The following INSR variants were observed in gnomAD, a reference collection of about 807,000 sequenced individuals.
INSR encodes insulin receptor.
A neutral mutation model predicts 142.6 loss-of-function variants in INSR; 67 were observed. The ratio of observed to expected loss-of-function variants is 0.47; its 90% confidence interval spans 0.39 to 0.58. The LOEUF is 0.58. Among genes scored for constraint, INSR ranks in the 20% least tolerant of loss-of-function variants. The probability of loss-of-function intolerance (pLI) is 0.00; values close to 1 mark genes in which losing one functional copy is unlikely to be tolerated. For missense variants in INSR, 1,248 were observed against 1,833.2 expected, an observed-to-expected ratio of 0.68 and a Z score of 5.83; for synonymous variants, 756 against 743.1, an observed-to-expected ratio of 1.02 and a Z score of -0.28.
chr19:7,174,765 AGGGGAGG>A (rs1333828328), intron 3 of INSR, 34 bp from the exon 4 acceptor site: 1 of 1,582,190 alleles, frequency 6.3e-7, no homozygotes, highest in Non-Finnish European at 8.6e-7. Flanking sequence ...AGAAAGAGAA[AGGGGAGG>A]GGGGTGTCAC....
At chr19:7,145,739 C>T (rs1003944081) in intron 11 of INSR, among the ~76,000 whole-genome samples, 8 of 152,352 alleles carry the variant, frequency 5.3e-5, no homozygotes, top group African/African-American at 1.4e-4. Context: ...TTGAGCTAGA[C>T]GCTCTGCAAA....
chr19:7,180,879 C>T (rs1369940929), intron 3 of INSR, among the ~76,000 whole-genome samples: 5 of 152,068 alleles, frequency 3.3e-5, no homozygotes, highest in African/African-American at 9.7e-5. Flanking sequence ...GGATTCTGTC[C>T]ATTGGTCTTG....
At position 7,174,549 on chromosome 19, in the gene INSR, C is replaced by G. The variant is rs774635982; in HGVS notation, c.1123+34G>C. The G allele has an allele frequency of 1.9e-6, 3 of 1,613,054 alleles. No individual in the cohort carries two copies. In the African/African-American group the frequency reaches 4.0e-5, roughly 22 times the overall value. On this transcript the variant is annotated intron_variant, in intron 4 of 21. Transcript: ENST00000302850. ...CAGCTCAGAGGGACATGGAGCCCAACAGGCACCCCCGACGCCCACACAGAG... is the reference window on the plus strand; with the variant it reads ...CAGCTCAGAGGGACATGGAGCCCAAGAGGCACCCCCGACGCCCACACAGAG...
In INSR at chr19:7,261,665, G is replaced by A. The variant is rs151105736; in HGVS notation, c.652+5680C>T. On this transcript the variant is annotated intron_variant, in intron 2 of 21. Coordinates refer to ENST00000302850, the MANE Select transcript of INSR (RefSeq NM_000208.4). ...CCTGCCTCAGCCTCCTAAGTAGCTG[G>A]GATTACAGGCGCCCACCACCACGCC... Among the ~76,000 whole-genome samples, 519 of 151,930 alleles carry A rather than the reference G, an allele frequency of 3.4e-3. 4 individuals carry two copies. The highest frequency in any genetic ancestry group is 0.012 in the African/African-American group (491 of 41,442).
intron 2 of INSR, among the ~76,000 whole-genome samples, chr19:7,250,288 GAGA>G (rs1487020579): frequency 7.5e-6 from 1 of 133,694 alleles, no homozygotes. Context: ...AGGAGGGGAG[GAGA>G]AGAAGGGGAG....
chr19:7,281,201 T>G (rs10409516), intron 1 of INSR, among the ~76,000 whole-genome samples: 135,785 of 152,144 alleles, frequency 0.89, 60,878 homozygotes, highest in Non-Finnish European at 0.94. Context: ...GACCAGAAAG[T>G]CACTTTGTAA....
chr19:7,252,907 A>G (rs1227485546), intron 2 of INSR, among the ~76,000 whole-genome samples: 1 of 152,142 alleles, frequency 6.6e-6, no homozygotes, highest in Non-Finnish European at 1.5e-5. Context: ...CAAGGTCAAG[A>G]GATTGAGACC....
intron 1 of INSR, among the ~76,000 whole-genome samples, chr19:7,273,641 C>T (rs551500669): frequency 6.6e-6 from 1 of 151,702 alleles, no homozygotes; most frequent in Non-Finnish European, 1.5e-5. Flanking sequence ...GCCTCAGCCT[C>T]CCGAGTAGCT....
intron 8 of INSR, among the ~76,000 whole-genome samples, chr19:7,164,641 A>G (rs1973845763): frequency 7.1e-6 from 1 of 139,994 alleles, no homozygotes; most frequent in South Asian, 2.4e-4. Context: ...AACATGGAGA[A>G]ACCTTGTCTC....
At position 7,122,748 on chromosome 19, in the gene INSR, G is replaced by A; in HGVS notation, c.3395C>T (p.Thr1132Ile). 1.9e-6 allele frequency: 3 copies of A among 1,614,194 alleles called. No individual in the cohort carries two copies. The highest frequency in any genetic ancestry group is 2.5e-6 in the Non-Finnish European group (3 of 1,180,008). Residue 1132 changes from threonine to isoleucine, a missense_variant, in exon 19 of 22, where the codon ACC becomes ATC. By Grantham distance (89) the Thr-to-Ile change is moderately conservative (BLOSUM62 -1). Transcript: ENST00000302850. ...CGCCATCTGAATCATCTCTTGAAGGGTAGGGGGAGGGCGGCCAGGATTATT... is the reference window on the plus strand; with the variant it reads ...CGCCATCTGAATCATCTCTTGAAGGATAGGGGGAGGGCGGCCAGGATTATT... ...AENNPGRPPP[T>I]LQEMIQMAAE...
At chr19:7,182,657 G>A (rs185147677) in intron 3 of INSR, among the ~76,000 whole-genome samples, 21 of 152,096 alleles carry the variant, frequency 1.4e-4, no homozygotes, top group Admixed American at 2.6e-4. Flanking sequence ...AAGGATGTGC[G>A]GTCAATTTCT....
chr19:7,150,510 C>T lies in INSR; in HGVS notation c.2254G>A (p.Ala752Thr). The T allele has an allele frequency of 6.2e-7, 1 of 1,614,196 alleles. No individual in the cohort carries two copies. Among genetic ancestry groups the T allele is most frequent in the Non-Finnish European group, 8.5e-7 (1 of 1,180,016 alleles). ...GGTGAGTCATACCTAGGGTCCTCGGCACCAGTGCCTGAAGAGGTTTTTCTG... is the reference window on the plus strand; with the variant it reads ...GGTGAGTCATACCTAGGGTCCTCGGTACCAGTGCCTGAAGAGGTTTTTCTG... ...VPRKTSSGTG[A>T]EDPRPSRKRR... The change falls in exon 11 of 22, where the codon GCC becomes ACC. Residue 752 changes from alanine to threonine, a missense_variant. Physicochemically the swap from Ala to Thr is moderately conservative, Grantham distance 58. Coordinates refer to ENST00000302850, the MANE Select transcript of INSR (RefSeq NM_000208.4). The surrounding 1 kb of genome is among the most constrained non-coding windows in gnomAD (Gnocchi z 4.2).
In INSR at chr19:7,293,800, G is replaced by A. The variant is rs1968562794; in HGVS notation, c.92C>T (p.Pro31Leu). ...CGCGCCCCCAGACTCACCCTCTCCG[G>A]GGTACAGGTGGCCCGCGGCGCCCAG... ...LLLGAAGHLY[P>L]GEVCPGMDIR... The change falls in exon 1 of 22, where the codon CCC becomes CTC. Residue 31 changes from proline (P) to leucine (L), a missense_variant. Pro to Leu is a moderately conservative substitution (Grantham distance 98, BLOSUM62 -3). This residue lies in a region of INSR where 57 missense variants were observed against 49.5 expected (regional missense o/e 1.15). Transcript: ENST00000302850. 1 of 1,358,326 alleles carries A rather than the reference G, an allele frequency of 7.4e-7. No individual in the cohort carries two copies. 84.1% of individuals were successfully genotyped at this position (1,358,326 alleles called of 1,614,324 possible).
At chr19:7,182,530 T>A (rs917550662) in intron 3 of INSR, among the ~76,000 whole-genome samples, 21 of 152,012 alleles carry the variant, frequency 1.4e-4, no homozygotes, top group Non-Finnish European at 2.2e-4. Flanking sequence ...ATAAATTAAT[T>A]AATTAAAAGC....
chr19:7,260,784 C>T (rs1977033279), intron 2 of INSR, among the ~76,000 whole-genome samples: 1 of 152,086 alleles, frequency 6.6e-6, no homozygotes, highest in Non-Finnish European at 1.5e-5. Flanking sequence ...TAATGACCCC[C>T]ATTTTTCAGA....
intron 1 of INSR, among the ~76,000 whole-genome samples, chr19:7,287,010 C>A (rs1968360904): frequency 6.6e-6 from 1 of 151,842 alleles, no homozygotes; most frequent in Non-Finnish European, 1.5e-5. Flanking sequence ...CCATGCCCAG[C>A]TAATTTTTGT....
At position 7,159,130 on chromosome 19, in the gene INSR, T is replaced by G. The variant is rs550882055; in HGVS notation, c.2029+3902A>C. Among the ~76,000 whole-genome samples, 1 of 152,306 alleles carries G rather than the reference T, an allele frequency of 6.6e-6. No homozygotes were observed. Among genetic ancestry groups the G allele is most frequent in the East Asian group, 1.9e-4 (1 of 5,192 alleles). ...GTTGCCCAGGCTGGTCTCGAACTCC[T>G]GGCCTCAAAGTGATCCACCCCACCT... On this transcript the variant is annotated intron_variant, in intron 9 of 21. Coordinates refer to ENST00000302850, the MANE Select transcript of INSR (RefSeq NM_000208.4). This position sits in a 1 kb window ranked among gnomAD's most constrained non-coding sequence, Gnocchi z 4.3.
intron 2 of INSR, among the ~76,000 whole-genome samples, chr19:7,248,908 C>T (rs1016231880): frequency 6.6e-6 from 1 of 151,800 alleles, no homozygotes; most frequent in Non-Finnish European, 1.5e-5. Context: ...TACAGGCATG[C>T]GCCACCACGC....
At chr19:7,206,197 C>T (rs1380601259) in intron 2 of INSR, among the ~76,000 whole-genome samples, 3 of 152,038 alleles carry the variant, frequency 2.0e-5, no homozygotes, top group Non-Finnish European at 4.4e-5. Flanking sequence ...GACAGAATCT[C>T]ATTCTGTAAC....
Sources: gnomAD v4.1 joint callset for allele counts (sites outside exome capture counted in the v4.1 genomes callset) on GRCh38, gnomAD v4.1.1 for gene constraint, gnomAD v4.1.1 regional missense constraint, Gnocchi (gnomAD v3.1) non-coding constraint, MANE v1.5 for transcripts, NCBI Gene and HGNC (gene_info 2026-07-23, HGNC 2026-07-21) for gene names.